Variants in PELI2 observed in about 807,000 individuals in gnomAD.
PELI2 encodes E3 ubiquitin-protein ligase pellino homolog 2.
PELI2 carries 23 observed loss-of-function variants against 42.3 expected under a neutral mutation model. That is an observed-to-expected ratio of 0.54 (90% CI 0.39 to 0.77). The LOEUF (loss-of-function observed/expected upper bound fraction) is 0.77, where lower values mean the gene tolerates loss of function less well. Among genes scored for constraint, PELI2 ranks in the 30% least tolerant of loss-of-function variants. PELI2 has a pLI of 0.00. For synonymous variants in PELI2, 245 were observed against 212.2 expected (o/e 1.15, Z -1.34); for missense variants, 463 against 553.2 (o/e 0.84, Z 1.64).
At chr14:56,126,198 C>T (rs17091045) in intron 1 of PELI2, among the ~76,000 whole-genome samples, 5,279 of 152,240 alleles carry the variant, frequency 0.035, 132 homozygotes, top group East Asian at 0.16. Flanking sequence ...ACCAGCTGCT[C>T]GGAGCTGCAT....
intron 1 of PELI2, among the ~76,000 whole-genome samples, chr14:56,126,962 T>C (rs1883293568): frequency 6.6e-6 from 1 of 152,214 alleles, no homozygotes; most frequent in Non-Finnish European, 1.5e-5. Flanking sequence ...AAGTTTTTAT[T>C]GAGTTGTTTT....
At position 56,288,373 on chromosome 14, in the gene PELI2, T is replaced by G; in HGVS notation, c.310-64T>G. 1 of 1,263,062 alleles carries G rather than the reference T, an allele frequency of 7.9e-7. No individual in the cohort carries two copies. Among genetic ancestry groups the G allele is most frequent in the Non-Finnish European group, 1.1e-6 (1 of 876,894 alleles). The allele number at this position is 1,263,062 out of a possible 1,614,324, so 78.2% of individuals were successfully genotyped here. ...AAAGGAATCCTGAATGCTTTTTCCT[T>G]GTGAATAAAATACGGCACCCTGCTA... On this transcript the variant is annotated intron_variant, in intron 3 of 5. Transcript: ENST00000267460. This position sits in a 1 kb window ranked among gnomAD's most constrained non-coding sequence, Gnocchi z 4.6.
chr14:56,283,211 G>A (rs1284157237), intron 3 of PELI2, among the ~76,000 whole-genome samples: 4 of 152,182 alleles, frequency 2.6e-5, no homozygotes, highest in African/African-American at 9.7e-5. Flanking sequence ...TCTGCAGAAT[G>A]AATTAAAAGA....
chr14:56,271,570 G>A lies in PELI2; in HGVS notation c.208-8106G>A, dbSNP rs1189818892. Among the ~76,000 whole-genome samples the A allele has an allele frequency of 2.0e-5, 3 of 152,196 alleles. No individual in the cohort carries two copies. In the East Asian group the frequency reaches 5.8e-4, roughly 29 times the overall value. On this transcript the variant is annotated intron_variant, in intron 2 of 5. Transcript: ENST00000267460. ...TTACCAATTAGATTTAACAGTTAAAGTGGCTGAAAATAAACTTGCCTAAAA... is the reference window on the plus strand; with the variant it reads ...TTACCAATTAGATTTAACAGTTAAAATGGCTGAAAATAAACTTGCCTAAAA...
intron 2 of PELI2, among the ~76,000 whole-genome samples, chr14:56,269,277 C>CA (rs1229999749): frequency 1.3e-5 from 2 of 151,692 alleles, no homozygotes; most frequent in Admixed American, 6.6e-5. Flanking sequence ...CCCATCTCTA[C>CA]AAAAAAATAC....
At chr14:56,182,255 T>G (rs547267518) in intron 2 of PELI2, among the ~76,000 whole-genome samples, 2 of 152,216 alleles carry the variant, frequency 1.3e-5, no homozygotes, top group South Asian at 4.1e-4. Flanking sequence ...TGGGTCTGGC[T>G]GGAAAATTTG....
In PELI2 at chr14:56,288,413, C is replaced by T. The variant is rs1210703764; in HGVS notation, c.310-24C>T. ...GCACCCTGCTATTTTCCAAGTGAATCACGAGTACATTTGATTTACTTAGGT... is the reference window on the plus strand; with the variant it reads ...GCACCCTGCTATTTTCCAAGTGAATTACGAGTACATTTGATTTACTTAGGT... On this transcript the variant is annotated intron_variant, in intron 3 of 5. Coordinates refer to ENST00000267460, the MANE Select transcript of PELI2 (RefSeq NM_021255.3). The surrounding 1 kb of genome is among the most constrained non-coding windows in gnomAD (Gnocchi z 4.6). The T allele has an allele frequency of 1.3e-6, 2 of 1,588,774 alleles. No individual in the cohort carries two copies. The highest frequency in any genetic ancestry group is 1.7e-5 in the Admixed American group (1 of 59,550).
chr14:56,206,033 C>T (rs1023931438), intron 2 of PELI2, among the ~76,000 whole-genome samples: 36 of 152,096 alleles, frequency 2.4e-4, no homozygotes, highest in African/African-American at 5.1e-4. Flanking sequence ...TTCAAACCGG[C>T]GCTCCCAGGA....
intron 2 of PELI2, among the ~76,000 whole-genome samples, chr14:56,279,379 A>C (rs1889400157): frequency 6.6e-6 from 1 of 152,194 alleles, no homozygotes; most frequent in Non-Finnish European, 1.5e-5. Flanking sequence ...AATATGGAGA[A>C]AGTGTGTGTT....
intron 2 of PELI2, among the ~76,000 whole-genome samples, chr14:56,234,520 G>A (rs1383167585): frequency 6.6e-6 from 1 of 152,006 alleles, no homozygotes. Context: ...CAAACACCAT[G>A]TGTTCTCACT....
chr14:56,159,599 CTCT>C, intron 1 of PELI2, among the ~76,000 whole-genome samples: 1 of 151,840 alleles, frequency 6.6e-6, no homozygotes, highest in Middle Eastern at 3.4e-3. Context: ...GTGATATTTT[CTCT>C]TCTTTTGGGA....
At chr14:56,222,037 A>T (rs995024673) in intron 2 of PELI2, among the ~76,000 whole-genome samples, 2 of 151,406 alleles carry the variant, frequency 1.3e-5, no homozygotes, top group South Asian at 2.1e-4. Flanking sequence ...TCTATGCACA[A>T]TGGCCCTAGG....
chr14:56,135,120 A>G (rs776541561), intron 1 of PELI2, among the ~76,000 whole-genome samples: 7 of 152,180 alleles, frequency 4.6e-5, no homozygotes, highest in Admixed American at 6.5e-5. Flanking sequence ...TGTCTCTGCA[A>G]CCCCAGAGCT....
At chr14:56,246,669 A>G (rs768491391) in intron 2 of PELI2, among the ~76,000 whole-genome samples, 1 of 141,116 alleles carries the variant, frequency 7.1e-6, no homozygotes, top group Non-Finnish European at 1.5e-5. Context: ...GCATTACTTT[A>G]TTTAACCCAT....
At chr14:56,217,127 ATC>A (rs2139740716) in intron 2 of PELI2, among the ~76,000 whole-genome samples, 1 of 152,356 alleles carries the variant, frequency 6.6e-6, no homozygotes, top group African/African-American at 2.4e-5. Flanking sequence ...TTATAGTTGC[ATC>A]TCTCATCTGA....
intron 2 of PELI2, among the ~76,000 whole-genome samples, chr14:56,182,487 G>A (rs971466472): frequency 2.6e-5 from 4 of 152,126 alleles, no homozygotes; most frequent in Non-Finnish European, 5.9e-5. Context: ...TTTAAATTTA[G>A]CAACATTACT....
rs1297145409 is a variant in PELI2 at position 56,296,809 on chromosome 14, G to A, written c.906G>A (p.Val302=). ...CCAGCATCAACAGGAAAGAGGTGGTGGAGGAGAAGCAGCCCTGGGCATATC... is the reference window on the plus strand; with the variant it reads ...CCAGCATCAACAGGAAAGAGGTGGTAGAGGAGAAGCAGCCCTGGGCATATC... ...AFPSINRKEV[V]EEKQPWAYLS... is the part of the protein sequence containing the mutation. Residue 302 remains valine (V), a synonymous_variant, in exon 6 of 6, where the codon GTG becomes GTA. Transcript: ENST00000267460. 1.2e-6 allele frequency: 2 copies of A among 1,614,092 alleles called. No homozygotes were observed. Among genetic ancestry groups the A allele is most frequent in the East Asian group, 2.2e-5 (1 of 44,850 alleles).
chr14:56,147,694 G>A (rs919846009), intron 1 of PELI2, among the ~76,000 whole-genome samples: 2 of 152,160 alleles, frequency 1.3e-5, no homozygotes, highest in Non-Finnish European at 2.9e-5. Context: ...AAACAACATC[G>A]TTATAATTCT....
chr14:56,204,784 C>G (rs1166212343), intron 2 of PELI2, among the ~76,000 whole-genome samples: 1 of 151,952 alleles, frequency 6.6e-6, no homozygotes, highest in Non-Finnish European at 1.5e-5. Flanking sequence ...TTATTAATCC[C>G]AGCACTTTGA....
Sources: allele counts gnomAD v4.1 joint callset (sites outside exome capture counted in the v4.1 genomes callset), GRCh38; gene constraint gnomAD v4.1.1; non-coding constraint Gnocchi (gnomAD v3.1); transcripts MANE v1.5; gene names NCBI Gene and HGNC (gene_info 2026-07-23, HGNC 2026-07-21).